CFAP299: variants seen among roughly 807,000 people sequenced by gnomAD.
CFAP299 encodes cilia- and flagella-associated protein 299.
A neutral mutation model predicts 27.0 loss-of-function variants in CFAP299; 21 were observed. The observed-to-expected ratio is 0.78, with a 90% CI of 0.55 to 1.12. The LOEUF is 1.12. CFAP299 is among the 50% of genes most tolerant of loss of function. CFAP299 has a pLI of 0.00. For missense variants in CFAP299, 310 were observed against 276.6 expected, an observed-to-expected ratio of 1.12 and a Z score of -0.86; for synonymous variants, 104 against 98.1, an observed-to-expected ratio of 1.06 and a Z score of -0.36.
rs1352651407 is a variant in CFAP299 at position 80,558,350 on chromosome 4, G to GTTTT, written c.243-24740_243-24739insTTTT. Among the ~76,000 whole-genome samples, 637 of 131,944 alleles carry GTTTT rather than the reference G, an allele frequency of 4.8e-3. 33 individuals are homozygous for GTTTT. The highest frequency in any genetic ancestry group is 0.018 in the African/African-American group (576 of 32,818). 86.6% of individuals were successfully genotyped at this position (131,944 alleles called of 152,430 possible). A position where few individuals can be genotyped will look rare whatever the true frequency, so the allele number is the denominator to read the frequency against. On this transcript the variant is annotated intron_variant, in intron 2 of 5. Transcript: ENST00000358105. ...GAAGACTTTTGTGGTTTTTTTGTTT[G>GTTTT]TTTGTTTGTTTGTTTGTTTTTTTTT...
chr4:80,643,903 A>G (rs925755138), intron 3 of CFAP299, among the ~76,000 whole-genome samples: 2 of 152,202 alleles, frequency 1.3e-5, no homozygotes, highest in African/African-American at 2.4e-5. Context: ...CTTTTCACAG[A>G]CATTTACAAC....
At chr4:80,625,204 A>G (rs1738820840) in intron 3 of CFAP299, among the ~76,000 whole-genome samples, 1 of 152,118 alleles carries the variant, frequency 6.6e-6, no homozygotes, top group Non-Finnish European at 1.5e-5. Flanking sequence ...GCAATATTAA[A>G]AGATGTAAAT....
intron 2 of CFAP299, among the ~76,000 whole-genome samples, chr4:80,570,599 A>G (rs1222827225): frequency 6.6e-6 from 1 of 152,110 alleles, no homozygotes; most frequent in African/African-American, 2.4e-5. Flanking sequence ...AAATTACTAC[A>G]TGTTGGGAAT....
chr4:80,905,951 A>G (rs1193372615), intron 4 of CFAP299, among the ~76,000 whole-genome samples: 1 of 152,082 alleles, frequency 6.6e-6, no homozygotes, highest in African/African-American at 2.4e-5. Context: ...TCAAAACACA[A>G]TCATGCCTTT....
At chr4:80,441,463 T>A (rs1331693952) in intron 2 of CFAP299, among the ~76,000 whole-genome samples, 1 of 152,198 alleles carries the variant, frequency 6.6e-6, no homozygotes, top group South Asian at 2.1e-4. Flanking sequence ...CTAAGCTTCA[T>A]AATTGAAGGG....
intron 2 of CFAP299, among the ~76,000 whole-genome samples, chr4:80,536,448 T>C (rs563259525): frequency 5.3e-5 from 8 of 152,248 alleles, no homozygotes; most frequent in African/African-American, 1.9e-4. Flanking sequence ...GGCGTCACAT[T>C]ACCTGACTTC....
intron 1 of CFAP299, among the ~76,000 whole-genome samples, chr4:80,345,685 T>A (rs141757265): frequency 1.5e-3 from 236 of 152,296 alleles, no homozygotes; most frequent in African/African-American, 5.4e-3. Context: ...TGATGGACAT[T>A]TATGTTGGTT....
chr4:80,418,052 G>A (rs11099227), intron 2 of CFAP299, among the ~76,000 whole-genome samples: 28,866 of 152,084 alleles, frequency 0.19, 2,914 homozygotes, highest in South Asian at 0.29. Context: ...GTGGTATTTT[G>A]TTATAGCAGC....
intron 3 of CFAP299, among the ~76,000 whole-genome samples, chr4:80,600,997 G>A (rs1038804059): frequency 8.2e-4 from 125 of 152,210 alleles, no homozygotes; most frequent in African/African-American, 2.9e-3. Flanking sequence ...TTCATATGGT[G>A]TCTGTATTTA....
chr4:80,351,782 G>A (rs1723023659), intron 1 of CFAP299, among the ~76,000 whole-genome samples: 1 of 150,118 alleles, frequency 6.7e-6, no homozygotes, highest in East Asian at 1.9e-4. Flanking sequence ...AAAACATTAA[G>A]ATTAATATTA....
chr4:80,553,567 T>C (rs1478015721), intron 2 of CFAP299, among the ~76,000 whole-genome samples: 1 of 152,222 alleles, frequency 6.6e-6, no homozygotes, highest in African/African-American at 2.4e-5. Flanking sequence ...CTTTCAGCTT[T>C]TTGAGGAATC....
chr4:80,564,608 G>T (rs1270609461), intron 2 of CFAP299, among the ~76,000 whole-genome samples: 1 of 151,920 alleles, frequency 6.6e-6, no homozygotes, highest in Non-Finnish European at 1.5e-5. Context: ...CTAAGATCTG[G>T]AATGTGACAA....
At chr4:80,453,714 G>A (rs751739480) in intron 2 of CFAP299, among the ~76,000 whole-genome samples, 4 of 151,388 alleles carry the variant, frequency 2.6e-5, no homozygotes, top group African/African-American at 4.8e-5. Flanking sequence ...CTTGGCGCGT[G>A]CCTGTAATCT....
intron 2 of CFAP299, among the ~76,000 whole-genome samples, chr4:80,365,355 G>C (rs1334623886): frequency 6.6e-6 from 1 of 152,118 alleles, no homozygotes; most frequent in African/African-American, 2.4e-5. Context: ...GTGACGTTGA[G>C]CTTTTTCTTA....
At chr4:80,507,125 T>C (rs1214912906) in intron 2 of CFAP299, among the ~76,000 whole-genome samples, 5 of 152,168 alleles carry the variant, frequency 3.3e-5, no homozygotes, top group African/African-American at 9.7e-5. Flanking sequence ...CTCCTGTTTC[T>C]TATGGCTGCT....
intron 2 of CFAP299, among the ~76,000 whole-genome samples, chr4:80,476,475 C>T (rs894141295): frequency 2.0e-5 from 3 of 152,064 alleles, no homozygotes; most frequent in African/African-American, 7.2e-5. Context: ...ATAGGCAGTC[C>T]ATCTCCATGG....
intron 3 of CFAP299, among the ~76,000 whole-genome samples, chr4:80,647,293 T>A (rs930749648): frequency 3.9e-5 from 6 of 152,150 alleles, no homozygotes; most frequent in Non-Finnish European, 8.8e-5. Context: ...TGGAGCTGAA[T>A]CAAACATCAG....
chr4:80,938,032 T>G (rs987159412), intron 4 of CFAP299, among the ~76,000 whole-genome samples: 12 of 152,216 alleles, frequency 7.9e-5, no homozygotes, highest in African/African-American at 2.9e-4. Flanking sequence ...CCCTCTATTT[T>G]ATGTAATTGA....
intron 2 of CFAP299, among the ~76,000 whole-genome samples, chr4:80,475,828 A>G (rs1730247859): frequency 6.6e-6 from 1 of 152,218 alleles, no homozygotes; most frequent in Non-Finnish European, 1.5e-5. Flanking sequence ...AGTGAAGAAC[A>G]GAGTCCTAGA....
Sources: gnomAD v4.1 joint callset for allele counts (sites outside exome capture counted in the v4.1 genomes callset) on GRCh38, gnomAD v4.1.1 for gene constraint, MANE v1.5 for transcripts, NCBI Gene and HGNC (gene_info 2026-07-23, HGNC 2026-07-21) for gene names.